Variants in PRH1 observed in about 807,000 individuals in gnomAD.
PRH1 encodes salivary acidic proline-rich phosphoprotein 1/2.
A neutral mutation model predicts 7.9 loss-of-function variants in PRH1; 7 were observed. The observed-to-expected ratio is 0.89, with a 90% CI of 0.50 to 1.67. PRH1 has a LOEUF of 1.67. Ranked by LOEUF, PRH1 falls within the 40% of genes most tolerant of loss-of-function variation. PRH1 has a pLI of 0.00. For synonymous variants in PRH1, 45 were observed against 80.8 expected, an observed-to-expected ratio of 0.56 and a Z score of 2.38; for missense variants, 109 against 223.6, an observed-to-expected ratio of 0.49 and a Z score of 3.27.
At chr12:10,982,632 AT>A (rs1173945708) in intron 1 of PRH1, among the ~76,000 whole-genome samples, 1 of 152,202 alleles carries the variant, frequency 6.6e-6, no homozygotes, top group Non-Finnish European at 1.5e-5. Context: ...GCAAAACATC[AT>A]GTTAATTCAA....
At chr12:11,056,042 G>T (rs1487322031) in intron 1 of PRH1, among the ~76,000 whole-genome samples, 4 of 152,178 alleles carry the variant, frequency 2.6e-5, no homozygotes, top group African/African-American at 9.7e-5. Flanking sequence ...ACACCTCATA[G>T]TTGGGAAATA....
chr12:11,061,533 ACT>A, intron 1 of PRH1: 2 of 1,614,124 alleles, frequency 1.2e-6, no homozygotes, highest in South Asian at 2.2e-5. Flanking sequence ...TGTTTTCCAG[ACT>A]CTCAAAACTC....
intron 2 of PRH1, among the ~76,000 whole-genome samples, chr12:10,889,294 A>G (rs1295723716): frequency 6.6e-6 from 1 of 152,198 alleles, no homozygotes; most frequent in African/African-American, 2.4e-5. Flanking sequence ...GAACATAAAC[A>G]TCTGGTAGAC....
chr12:11,084,541 T>C (rs1337774914), intron 1 of PRH1, among the ~76,000 whole-genome samples: 1 of 149,318 alleles, frequency 6.7e-6, no homozygotes, highest in African/African-American at 2.5e-5. Flanking sequence ...CTGCTCTGAT[T>C]TACAATTCTA....
At chr12:11,136,231 A>G (rs1315078921) in intron 1 of PRH1, among the ~76,000 whole-genome samples, 3 of 144,624 alleles carry the variant, frequency 2.1e-5, no homozygotes, top group Non-Finnish European at 4.7e-5. Flanking sequence ...GTGTAGGTGC[A>G]TTCCTACATG....
At chr12:11,143,767 C>G (rs61931268) in intron 1 of PRH1, among the ~76,000 whole-genome samples, 1 of 46,794 alleles carries the variant, frequency 2.1e-5, no homozygotes, top group East Asian at 3.2e-4. Context: ...GTCAACTCAT[C>G]GAAAGGATAT....
intron 1 of PRH1, among the ~76,000 whole-genome samples, chr12:11,053,681 T>C (rs796330160): frequency 6.9e-6 from 1 of 145,812 alleles, no homozygotes; most frequent in Non-Finnish European, 1.5e-5. Flanking sequence ...GATGTAAATG[T>C]AGATGATGAT....
intron 1 of PRH1, among the ~76,000 whole-genome samples, chr12:11,014,890 ACCAGGAATG>A (rs1941222412): frequency 1.3e-5 from 2 of 152,046 alleles, no homozygotes; most frequent in African/African-American, 4.8e-5. Context: ...CTCACCACCC[ACCAGGAATG>A]TCAGGTGGCC....
chr12:11,144,994 G>A (rs867591075), intron 1 of PRH1, among the ~76,000 whole-genome samples: 26 of 152,266 alleles, frequency 1.7e-4, no homozygotes, highest in African/African-American at 5.1e-4. Flanking sequence ...GGATCTGTGG[G>A]TCCTCTTGGG....
chr12:11,087,791 G>A lies in PRH1; in HGVS notation n.124-40603C>T, dbSNP rs542526419. Among the ~76,000 whole-genome samples, 67 of 113,902 alleles carry A rather than the reference G, an allele frequency of 5.9e-4. 15 individuals carry two copies. Among genetic ancestry groups the A allele is most frequent in the African/African-American group, 1.9e-3 (66 of 34,232 alleles). The allele number at this position is 113,902 out of a possible 152,430, so 74.7% of individuals were successfully genotyped here. A position where few individuals can be genotyped will look rare whatever the true frequency, so the allele number is the denominator to read the frequency against. ...TTACAGAATCAATGCAGACTACCAT[G>A]AACTTAAATAAACACTCACAAATGC... On this transcript the variant is annotated intron_variant and non_coding_transcript_variant, in intron 1 of 4. Transcript: ENST00000541977.
intron 1 of PRH1, among the ~76,000 whole-genome samples, chr12:11,044,591 A>G (rs1453512356): frequency 6.6e-6 from 1 of 152,176 alleles, no homozygotes; most frequent in Non-Finnish European, 1.5e-5. Flanking sequence ...TAACAACTGT[A>G]TAGGAAAAAA....
At chr12:10,956,579 G>A (rs1475106058) in intron 2 of PRH1, among the ~76,000 whole-genome samples, 1 of 152,016 alleles carries the variant, frequency 6.6e-6, no homozygotes, top group Non-Finnish European at 1.5e-5. Flanking sequence ...AAGCAATCAG[G>A]AAGAGAAATA....
upstream of PRH1, chr12:11,048,321 G>C (rs946118064): frequency 3.9e-6 from 1 of 258,342 alleles, no homozygotes; most frequent in Non-Finnish European, 7.8e-6. Context: ...TGCTCCCTTT[G>C]TGAATCTATG....
In PRH1 at chr12:11,039,690, C is replaced by T. The variant is rs566096869; in HGVS notation, c.-126+7330G>A. Among the ~76,000 whole-genome samples the T allele has an allele frequency of 1.1e-4, 16 of 152,358 alleles. No individual in the cohort carries two copies. In the South Asian group the frequency reaches 2.7e-3, roughly 26 times the overall value. ...CGCCAGTAATATGTAGAATGAATCCCGTCTTTTCCTACCAAAAGCATTTAA... is the reference window on the plus strand; with the variant it reads ...CGCCAGTAATATGTAGAATGAATCCTGTCTTTTCCTACCAAAAGCATTTAA... On this transcript the variant is annotated intron_variant, in intron 1 of 3. Transcript: ENST00000539853.
intron 1 of PRH1, among the ~76,000 whole-genome samples, chr12:11,000,302 A>C (rs533321211): frequency 2.6e-5 from 4 of 152,200 alleles, no homozygotes; most frequent in Admixed American, 2.6e-4. Flanking sequence ...TCCTTCTTGC[A>C]TGCTTAACCT....
intron 1 of PRH1, among the ~76,000 whole-genome samples, chr12:11,058,316 T>C (rs1215584500): frequency 6.6e-6 from 1 of 152,108 alleles, no homozygotes; most frequent in African/African-American, 2.4e-5. Flanking sequence ...TAACATTGAA[T>C]GGAAGTAAAA....
At chr12:11,003,911 T>C (rs1259652382) in intron 1 of PRH1, among the ~76,000 whole-genome samples, 1 of 152,098 alleles carries the variant, frequency 6.6e-6, no homozygotes, top group Non-Finnish European at 1.5e-5. Context: ...TATAGCATTC[T>C]GTAAGTATGT....
At chr12:10,896,189 TA>T (rs1312913944) in intron 2 of PRH1, among the ~76,000 whole-genome samples, 1 of 152,214 alleles carries the variant, frequency 6.6e-6, no homozygotes, top group Admixed American at 6.5e-5. Context: ...CCTCATTTGT[TA>T]ACATGCAAAA....
intron 1 of PRH1, among the ~76,000 whole-genome samples, chr12:11,140,648 G>A (rs1476244440): frequency 3.9e-5 from 6 of 152,224 alleles, no homozygotes; most frequent in African/African-American, 1.4e-4. Context: ...TTGCTGTAAG[G>A]TAAAATTTTC....
Sources: allele counts gnomAD v4.1 joint callset (sites outside exome capture counted in the v4.1 genomes callset), GRCh38; gene constraint gnomAD v4.1.1; transcripts MANE v1.5; gene names NCBI Gene and HGNC (gene_info 2026-07-23, HGNC 2026-07-21).